Variants in CEP295 observed in about 807,000 individuals in gnomAD.
The protein encoded by CEP295 is centrosomal protein of 295 kDa.
A neutral mutation model predicts 291.6 loss-of-function variants in CEP295; 190 were observed. That is an observed-to-expected ratio of 0.65 (90% CI 0.58 to 0.73). The LOEUF (loss-of-function observed/expected upper bound fraction) is 0.73. Among genes scored for constraint, CEP295 ranks in the 30% least tolerant of loss-of-function variants. The pLI is 0.00. For synonymous variants in CEP295, 993 were observed against 1,038.8 expected, an observed-to-expected ratio of 0.96 and a Z score of 0.85; for missense variants, 2,863 against 2,949.4, an observed-to-expected ratio of 0.97 and a Z score of 0.68.
intron 18 of CEP295, among the ~76,000 whole-genome samples, chr11:93,710,291 G>A (rs1273697245): frequency 1.3e-5 from 2 of 152,066 alleles, no homozygotes; most frequent in African/African-American, 4.8e-5. Context: ...CTTTTATTGT[G>A]TTATGTTCCT....
intron 12 of CEP295, 120 bp downstream of exon 12, chr11:93,692,150 T>G: frequency 1.6e-6 from 1 of 613,854 alleles, no homozygotes; most frequent in Non-Finnish European, 2.9e-6. Flanking sequence ...TTTTTGACAT[T>G]GTCTTACACA....
Position 93,691,781 on chromosome 11 carries a change from T to A in CEP295, c.1429+6T>A, listed in dbSNP as rs1271122250. 15 of 1,507,642 alleles carry A rather than the reference T, an allele frequency of 9.9e-6. No individual in the cohort carries two copies. The highest frequency in any genetic ancestry group is 1.4e-5 in the African/African-American group (1 of 71,582). The allele number at this position is 1,507,642 out of a possible 1,614,324, so 93.4% of individuals were successfully genotyped here. On this transcript the variant is annotated splice_donor_region_variant and intron_variant, in intron 11 of 29. Coordinates refer to ENST00000325212, the MANE Select transcript of CEP295 (RefSeq NM_033395.2). ...AAACTCTGGAAAAGAACAAGGTATT[T>A]CTTTTTATCACATCCTCAAATTAAA...
intron 5 of CEP295, among the ~76,000 whole-genome samples, chr11:93,673,870 C>T (rs1346473981): frequency 2.0e-5 from 3 of 151,986 alleles, no homozygotes; most frequent in African/African-American, 4.8e-5. Context: ...GGCCAAGACA[C>T]GAGAAGTTCT....
Position 93,724,341 on chromosome 11 carries a change from C to A in CEP295, c.6284C>A (p.Ser2095Tyr). The A allele has an allele frequency of 1.9e-6, 3 of 1,550,414 alleles. No homozygotes were observed. Among genetic ancestry groups the A allele is most frequent in the Non-Finnish European group, 2.6e-6 (3 of 1,145,798 alleles). The change falls in exon 22 of 30, where the codon TCT (serine) becomes TAT (tyrosine). Residue 2095 changes from serine (S) to tyrosine (Y), a missense_variant. By Grantham distance (144) the Ser-to-Tyr change is moderately radical. Coordinates refer to ENST00000325212, the MANE Select transcript of CEP295 (RefSeq NM_033395.2). The part of the protein sequence containing the change: ...HPDFDLSSSS[S>Y]GISPDNRDFY... ...GATTTTGACTTATCATCATCATCCT[C>A]TGGGATTTCTCCAGACAACAGAGAC...
chr11:93,729,804 TCAAC>T lies in CEP295; in HGVS notation c.7567+28_7567+31del, dbSNP rs745606625. The stretch of plus-strand genomic sequence containing the variant: ...TAAGTATGTTGAATTTTTAAAATCT[TCAAC>T]CAACTCCCTGAAATGTTTAAAGCCT... On this transcript the variant is annotated intron_variant, in intron 27 of 29. Coordinates refer to ENST00000325212, the MANE Select transcript of CEP295 (RefSeq NM_033395.2). 2.7e-5 allele frequency: 42 copies of T among 1,536,622 alleles called. No homozygotes were observed. In the South Asian group the frequency reaches 3.9e-4, roughly 14 times the overall value.
chr11:93,727,735 C>G, intron 24 of CEP295, 98 bp downstream of exon 24: 2 of 962,568 alleles, frequency 2.1e-6, no homozygotes, highest in Non-Finnish European at 3.0e-6. Flanking sequence ...ACTATGCTAC[C>G]CAGGCTGAAC....
At chr11:93,694,388 A>T (rs1271015118) in intron 12 of CEP295, among the ~76,000 whole-genome samples, 2 of 152,174 alleles carry the variant, frequency 1.3e-5, no homozygotes, top group African/African-American at 4.8e-5. Context: ...TTCCTTCTTT[A>T]TAATTCCACT....
At chr11:93,679,365 G>A (rs781695432) in intron 6 of CEP295, 47 bp from the exon 7 acceptor site, 24 of 1,514,184 alleles carry the variant, frequency 1.6e-5, no homozygotes, top group Admixed American at 1.3e-4. Context: ...GTTACTGCTT[G>A]TCTCACACTT....
chr11:93,687,975 C>T, intron 10 of CEP295, 110 bp downstream of exon 10: 1 of 656,208 alleles, frequency 1.5e-6, no homozygotes, highest in Non-Finnish European at 2.4e-6. Flanking sequence ...AAACATAATC[C>T]TGCTAATTAA....
Position 93,729,879 on chromosome 11 carries a change from T to C in CEP295, c.7577T>C (p.Val2526Ala), listed in dbSNP as rs757117887. 9.7e-6 allele frequency: 15 copies of C among 1,547,816 alleles called. No individual in the cohort carries two copies. In the African/African-American group the frequency reaches 1.4e-4, roughly 14 times the overall value. The change falls in exon 28 of 30, where the codon GTG becomes GCG. Residue 2526 changes from valine (V) to alanine (A), a missense_variant. By Grantham distance (64) the Val-to-Ala change is moderately conservative (BLOSUM62 0). Around this residue, in one of 3 missense-constraint regions of CEP295, gnomAD observed 2,295 missense variants for 2,335.7 expected, o/e 0.98. Transcript: ENST00000325212. ...VKEKPSISSS[V>A]SRLKGVNKVR... ...ACTTTTCTTTCCTCAGGTTCATCTGTGAGTCGTCTAAAGGGCGTGAATAAA... is the reference window on the plus strand; with the variant it reads ...ACTTTTCTTTCCTCAGGTTCATCTGCGAGTCGTCTAAAGGGCGTGAATAAA...
chr11:93,704,065 G>A (rs975265320), intron 17 of CEP295, among the ~76,000 whole-genome samples: 6 of 151,660 alleles, frequency 4.0e-5, no homozygotes, highest in Non-Finnish European at 7.4e-5. Flanking sequence ...CACTGCGCCC[G>A]GCCCCATCTC....
In CEP295 at chr11:93,730,274, C is replaced by A; in HGVS notation, c.*5C>A. ...CGAGCCAAAAATACATGCTGACTTTCTAGAAATAGTGTAAAGGTTTTTTAA... is the reference window on the plus strand; with the variant it reads ...CGAGCCAAAAATACATGCTGACTTTATAGAAATAGTGTAAAGGTTTTTTAA... On this transcript the variant is annotated 3_prime_UTR_variant, in exon 30 of 30. Transcript: ENST00000325212. 6.5e-7 allele frequency: 1 copy of A among 1,538,544 alleles called. No homozygotes were observed.
chr11:93,698,970 C>T lies in CEP295; in HGVS notation c.4058C>T (p.Ala1353Val), dbSNP rs1951993570. The change falls in exon 15 of 30, where the codon GCA becomes GTA. Residue 1353 changes from alanine to valine, a missense_variant. Around this residue, in one of 3 missense-constraint regions of CEP295, gnomAD observed 2,295 missense variants for 2,335.7 expected, o/e 0.98. Transcript: ENST00000325212. ...LIQPQQDNLK[A>V]LQEQLATQRE... Reference sequence around the variant, plus strand: ...CAGCCTCAACAAGATAATTTGAAGGCACTTCAAGAACAGTTAGCTACACAG... The same window carrying T: ...CAGCCTCAACAAGATAATTTGAAGGTACTTCAAGAACAGTTAGCTACACAG... 6.4e-7 allele frequency: 1 copy of T among 1,550,816 alleles called. No individual in the cohort carries two copies. Among genetic ancestry groups the T allele is most frequent in the Non-Finnish European group, 8.7e-7 (1 of 1,147,012 alleles).
rs2135111268 is a variant in CEP295 at position 93,698,243 on chromosome 11, G to T, written c.3331G>T (p.Ala1111Ser). The change falls in exon 15 of 30, where the codon GCT (alanine) becomes TCT (serine). Residue 1111 changes from alanine (A) to serine (S), a missense_variant. Transcript: ENST00000325212. ...SSPVVVQHSV[A>S]SQASAKAEPR... is the part of the protein sequence containing the mutation. Reference sequence around the variant, plus strand: ...ACCAGTGGTTGTTCAGCATTCAGTTGCTTCACAAGCTTCTGCTAAAGCTGA... The same window carrying T: ...ACCAGTGGTTGTTCAGCATTCAGTTTCTTCACAAGCTTCTGCTAAAGCTGA... 2 of 1,551,810 alleles carry T rather than the reference G, an allele frequency of 1.3e-6. No individual in the cohort carries two copies. The highest frequency in any genetic ancestry group is 2.4e-5 in the East Asian group (1 of 40,916).
chr11:93,666,855 C>T (rs1046782479), intron 2 of CEP295, 40 bp downstream of exon 2: 6 of 1,082,926 alleles, frequency 5.5e-6, no homozygotes, highest in East Asian at 2.6e-5. Flanking sequence ...TTCCTTTCTT[C>T]CTCAAATTAC....
chr11:93,721,060 T>C (rs766483224), intron 18 of CEP295, among the ~76,000 whole-genome samples: 1 of 152,234 alleles, frequency 6.6e-6, no homozygotes, highest in Non-Finnish European at 1.5e-5. Context: ...TTCAAATTTC[T>C]TAAAGCATTT....
rs1432621652 is a variant in CEP295, at chr11:93,697,179, G to A, written c.2267G>A (p.Gly756Glu). 1.3e-6 allele frequency: 2 copies of A among 1,551,736 alleles called. No homozygotes were observed. Among genetic ancestry groups the A allele is most frequent in the South Asian group, 1.2e-5 (1 of 84,042 alleles). The change falls in exon 15 of 30, where the codon GGG becomes GAG. Residue 756 changes from glycine (G) to glutamate (E), a missense_variant. Gly to Glu is a moderately conservative substitution (Grantham distance 98). Transcript: ENST00000325212. ...QDARKISETFGATTFQSLESQ... is the reference protein window; with the variant it reads ...QDARKISETFEATTFQSLESQ... The stretch of plus-strand genomic sequence containing the variant: ...GCTAGAAAAATATCTGAAACATTTG[G>A]GGCAACAACTTTTCAAAGTTTAGAA...
rs763203909 is a variant in CEP295 at position 93,698,441 on chromosome 11, C to G, written c.3529C>G (p.Leu1177Val). 3.2e-6 allele frequency: 5 copies of G among 1,551,830 alleles called. No homozygotes were observed. Among genetic ancestry groups the G allele is most frequent in the Non-Finnish European group, 2.6e-6 (3 of 1,147,046 alleles). The change falls in exon 15 of 30, where the codon CTT becomes GTT. Residue 1177 changes from leucine to valine, a missense_variant. Coordinates refer to ENST00000325212, the MANE Select transcript of CEP295 (RefSeq NM_033395.2). ...QEQSQIQRVILGAKEGTQEFV... is the reference protein window; with the variant it reads ...QEQSQIQRVIVGAKEGTQEFV... ...ACAGTCACAAATACAAAGGGTAATA[C>G]TTGGTGCTAAAGAAGGAACTCAGGA...
chr11:93,698,426 A>G lies in CEP295; in HGVS notation c.3514A>G (p.Ile1172Val), dbSNP rs528366245. 80 of 1,552,136 alleles carry G rather than the reference A, an allele frequency of 5.2e-5. No individual in the cohort carries two copies. The highest frequency in any genetic ancestry group is 6.8e-5 in the Non-Finnish European group (78 of 1,147,082). ...NLTILQEQSQ[I>V]QRVILGAKEG... The stretch of plus-strand genomic sequence containing the variant: ...GACAATACTCCAAGAACAGTCACAA[A>G]TACAAAGGGTAATACTTGGTGCTAA... The change falls in exon 15 of 30, where the codon ATA becomes GTA. Residue 1172 changes from isoleucine (I) to valine (V), a missense_variant. Physicochemically the swap from Ile to Val is conservative, Grantham distance 29. This residue lies in a region of CEP295 where 2,295 missense variants were observed against 2,335.7 expected (regional missense o/e 0.98). Coordinates refer to ENST00000325212, the MANE Select transcript of CEP295 (RefSeq NM_033395.2).
Sources: allele counts gnomAD v4.1 joint callset (sites outside exome capture counted in the v4.1 genomes callset), GRCh38; gene constraint gnomAD v4.1.1; regional missense constraint gnomAD v4.1.1; transcripts MANE v1.5; gene names NCBI Gene and HGNC (gene_info 2026-07-23, HGNC 2026-07-21).